ERAP1: variants seen among roughly 807,000 people sequenced by gnomAD.
ERAP1 encodes endoplasmic reticulum aminopeptidase 1.
A neutral mutation model predicts 103.7 loss-of-function variants in ERAP1; 86 were observed. The observed-to-expected ratio is 0.83, with a 90% confidence interval of 0.70 to 0.99. The LOEUF (loss-of-function observed/expected upper bound fraction) is 0.99, where lower values mean the gene tolerates loss of function less well. Among genes scored for constraint, ERAP1 ranks in the 50% least tolerant of loss-of-function variants. The pLI, the probability that ERAP1 is intolerant of heterozygous loss-of-function variation, is 0.00. For missense variants in ERAP1, 1,009 were observed against 1,128.4 expected (o/e 0.89, Z 1.52); for synonymous variants, 398 against 402.4 (o/e 0.99, Z 0.13).
the ERAP1 span, among the ~76,000 whole-genome samples, chr5:96,824,018 G>C: frequency 6.6e-6 from 1 of 152,154 alleles, no homozygotes; most frequent in Non-Finnish European, 1.5e-5. Flanking sequence ...GGATATGCTG[G>C]GCAACGTGAT....
At chr5:96,920,668 T>C in the ERAP1 span, among the ~76,000 whole-genome samples, 1 of 152,364 alleles carries the variant, frequency 6.6e-6, no homozygotes, top group South Asian at 2.1e-4. Flanking sequence ...ATTGACCTTC[T>C]TTCATCCATG....
chr5:96,776,606 T>A, intron 18 of ERAP1, 55 bp from the exon 19 acceptor site: 1 of 1,589,592 alleles, frequency 6.3e-7, no homozygotes, highest in African/African-American at 1.3e-5. Flanking sequence ...TAATCAGATG[T>A]AACTTTAGTT....
the ERAP1 span, chr5:96,902,553 G>C: frequency 2.0e-6 from 1 of 491,772 alleles, no homozygotes; most frequent in Non-Finnish European, 3.6e-6. Flanking sequence ...GTTCTCTTGC[G>C]CTTTTATCAT....
chr5:96,771,835 T>G, downstream of ERAP1: 1 of 542,252 alleles, frequency 1.8e-6, no homozygotes, highest in South Asian at 3.0e-5. Flanking sequence ...AAATGCATAC[T>G]GCAAGATCTA....
chr5:96,887,091 A>G, the ERAP1 span, among the ~76,000 whole-genome samples: 1 of 97,742 alleles, frequency 1.0e-5, no homozygotes, highest in Non-Finnish European at 2.1e-5. Context: ...ATATATATAT[A>G]TATATATATA....
intron 16 of ERAP1, 55 bp from the exon 17 acceptor site, chr5:96,781,253 G>T: frequency 6.5e-7 from 1 of 1,538,404 alleles, no homozygotes; most frequent in Non-Finnish European, 8.9e-7. Flanking sequence ...AAACAGTTAT[G>T]AATCACTGCA....
At chr5:96,763,376 GTGTATGTA>G in intron 19 of ERAP1, 2 of 703,622 alleles carry the variant, frequency 2.8e-6, no homozygotes, top group Non-Finnish European at 5.3e-6. Flanking sequence ...ATGTGCATGT[GTGTATGTA>G]AACACACCCA....
At chr5:96,895,830 G>A in the ERAP1 span, among the ~76,000 whole-genome samples, 400 of 152,252 alleles carry the variant, frequency 2.6e-3, 2 homozygotes, top group Non-Finnish European at 4.0e-3. Flanking sequence ...ATAGTGGTCT[G>A]AACACTACAC....
the ERAP1 span, among the ~76,000 whole-genome samples, chr5:96,872,187 T>A: frequency 1.3e-5 from 2 of 152,230 alleles, no homozygotes; most frequent in South Asian, 4.1e-4. Flanking sequence ...TTTTAAACTA[T>A]AAGTTGGCTT....
chr5:96,802,967 C>T (rs1170304948), intron 2 of ERAP1, among the ~76,000 whole-genome samples: 1 of 152,044 alleles, frequency 6.6e-6, no homozygotes, highest in East Asian at 1.9e-4. Flanking sequence ...AGGAAGGATT[C>T]TACCCAGAGT....
the ERAP1 span, chr5:96,917,878 C>G: frequency 6.5e-6 from 1 of 154,850 alleles, no homozygotes; most frequent in South Asian, 2.1e-4. Flanking sequence ...TGCATTCCAG[C>G]CTGGGTGACT....
chr5:96,811,506 G>A (rs771754788), upstream of ERAP1, among the ~76,000 whole-genome samples: 6 of 152,212 alleles, frequency 3.9e-5, no homozygotes, highest in African/African-American at 7.2e-5. Flanking sequence ...AAGGACAGCA[G>A]GGCTGACAGA....
chr5:96,763,150 T>C (rs1047301894), exon 20 of ERAP1: 1 of 780,476 alleles, frequency 1.3e-6, no homozygotes, highest in African/African-American at 1.7e-5. Flanking sequence ...TTCCGTTTGA[T>C]GTAGCATCAA....
At chr5:96,892,000 C>A in the ERAP1 span, among the ~76,000 whole-genome samples, 1 of 152,064 alleles carries the variant, frequency 6.6e-6, no homozygotes, top group African/African-American at 2.4e-5. Flanking sequence ...AAATTATTTT[C>A]TTGGCAGTAA....
chr5:96,765,098 C>A, intron 19 of ERAP1: 1 of 679,370 alleles, frequency 1.5e-6, no homozygotes, highest in South Asian at 1.8e-5. Flanking sequence ...CCTGCCCCAG[C>A]CCCAGATGTC....
At chr5:96,761,621 C>G (rs945596188) in exon 20 of ERAP1, 1 of 152,032 alleles carries the variant, frequency 6.6e-6, no homozygotes, top group African/African-American at 2.4e-5. Flanking sequence ...AACAGTTATA[C>G]CTAAGTTTTT....
At chr5:96,770,392 A>G (rs142680948), downstream of ERAP1, 700 of 600,244 alleles carry the variant, frequency 1.2e-3, 6 homozygotes, top group African/African-American at 0.012. Flanking sequence ...AAAAAAAATC[A>G]TGAAAAAACA....
rs1345887995 is a variant in ERAP1 at position 96,783,850 on chromosome 5, C to T, written c.2100+74G>A. ...ACACACACACACACACACACACACACACACATACACACACAATGATTAACA... is the reference window on the plus strand; with the variant it reads ...ACACACACACACACACACACACACATACACATACACACACAATGATTAACA... On this transcript the variant is annotated intron_variant, in intron 14 of 18. Transcript: ENST00000443439. 5 of 386,302 alleles carry T rather than the reference C, an allele frequency of 1.3e-5. No homozygotes were observed. The East Asian group carries it at 3.1e-4, about 24-fold the overall frequency. The allele number at this position is 386,302 out of a possible 1,614,324, so 23.9% of individuals were successfully genotyped here.
chr5:96,932,365 TA>T, the ERAP1 span, among the ~76,000 whole-genome samples: 1 of 152,368 alleles, frequency 6.6e-6, no homozygotes, highest in South Asian at 2.1e-4. Flanking sequence ...AAAGATCACT[TA>T]GCAGGGCTGA....
Sources: allele counts gnomAD v4.1 joint callset (sites outside exome capture counted in the v4.1 genomes callset), GRCh38; gene constraint gnomAD v4.1.1; transcripts MANE v1.5; gene names NCBI Gene and HGNC (gene_info 2026-07-23, HGNC 2026-07-21).